The following DOCK5 variants were observed in gnomAD, a reference collection of about 807,000 sequenced individuals.
DOCK5 encodes the protein dedicator of cytokinesis 5.
DOCK5 carries 142 observed loss-of-function variants against 251.8 expected under a neutral mutation model. The observed-to-expected ratio is 0.56, with a 90% CI of 0.49 to 0.65. DOCK5 has a LOEUF of 0.65. DOCK5 is among the 30% of genes least tolerant of loss of function. The pLI, the probability that DOCK5 is intolerant of heterozygous loss-of-function variation, is 0.00. For synonymous variants in DOCK5, 842 were observed against 835.5 expected (o/e 1.01, Z -0.13); for missense variants, 2,111 against 2,312.3 (o/e 0.91, Z 1.79).
At position 25,392,829 on chromosome 8, in the gene DOCK5, G is replaced by A; in HGVS notation, c.4474G>A (p.Ala1492Thr). ...GATTGAACGGACCACGTATACGACT[G>A]CATATACCTTTCCTGGGATTCTCAA... ...MWIERTTYTT[A>T]YTFPGILKWF... Residue 1492 changes from alanine to threonine, a missense_variant, in exon 44 of 52, where the codon GCA becomes ACA. By Grantham distance (58) the Ala-to-Thr change is moderately conservative. This residue lies in a region of DOCK5 where 1,717 missense variants were observed against 1,892.4 expected (regional missense o/e 0.91). Transcript: ENST00000276440. The A allele has an allele frequency of 6.2e-7, 1 of 1,613,236 alleles. No homozygotes were observed. Among genetic ancestry groups the A allele is most frequent in the Non-Finnish European group, 8.5e-7 (1 of 1,179,610 alleles).
In DOCK5 at chr8:25,184,832, G is replaced by T. The variant is rs906576128; in HGVS notation, c.-77G>T. 2 of 1,233,152 alleles carry T rather than the reference G, an allele frequency of 1.6e-6. No individual in the cohort carries two copies. The highest frequency in any genetic ancestry group is 1.6e-5 in the African/African-American group (1 of 63,528). The allele number at this position is 1,233,152 out of a possible 1,614,324, so 76.4% of individuals were successfully genotyped here. A position where few individuals can be genotyped will look rare whatever the true frequency, so the allele number is the denominator to read the frequency against. ...GCGGAAGCGTCTGGGGCACGCAGGAGCGCGGGGCGGCGGCGGCCGGAGCCC... is the reference window on the plus strand; with the variant it reads ...GCGGAAGCGTCTGGGGCACGCAGGATCGCGGGGCGGCGGCGGCCGGAGCCC... On this transcript the variant is annotated 5_prime_UTR_variant, in exon 1 of 52. Coordinates refer to ENST00000276440, the MANE Select transcript of DOCK5 (RefSeq NM_024940.8).
intron 27 of DOCK5, among the ~76,000 whole-genome samples, chr8:25,358,242 A>G (rs530703257): frequency 9.4e-4 from 143 of 152,324 alleles, no homozygotes; most frequent in African/African-American, 3.2e-3. Context: ...CAATCATGGC[A>G]GAAGAGGAAG....
At chr8:25,323,825 G>T in intron 16 of DOCK5, 23 bp from the exon 17 acceptor site, 33 of 1,608,246 alleles carry the variant, frequency 2.1e-5, no homozygotes, top group Non-Finnish European at 2.8e-5. Flanking sequence ...GCACTGCTCA[G>T]ACATGTCTTT....
rs531438506 is a variant in DOCK5, at chr8:25,336,186, C to T, written c.2193-53C>T. The stretch of plus-strand genomic sequence containing the variant: ...CCCCTCTTAGATAACTTACCCAAGC[C>T]TCAGAGTATCCTGTTGCTCATTGGC... On this transcript the variant is annotated intron_variant, in intron 21 of 51. Transcript: ENST00000276440. 2.0e-4 allele frequency: 311 copies of T among 1,573,836 alleles called. 1 individual carries two copies. The African/African-American group carries it at 3.5e-3, about 18-fold the overall frequency.
rs143812909 is a variant in DOCK5 at position 25,284,763 on chromosome 8, A to G, written c.321+6098A>G. On this transcript the variant is annotated intron_variant, in intron 5 of 51. Coordinates refer to ENST00000276440, the MANE Select transcript of DOCK5 (RefSeq NM_024940.8). ...ATCTTGTCGATAACAACTCAGTTATACTTTTTGAATATAAACAATTCTACA... is the reference window on the plus strand; with the variant it reads ...ATCTTGTCGATAACAACTCAGTTATGCTTTTTGAATATAAACAATTCTACA... Among the ~76,000 whole-genome samples the G allele has an allele frequency of 2.2e-4, 34 of 152,354 alleles. No homozygotes were observed. The East Asian group carries it at 5.6e-3, about 25-fold the overall frequency.
intron 2 of DOCK5, among the ~76,000 whole-genome samples, chr8:25,267,441 G>A (rs1767501131): frequency 6.6e-6 from 1 of 152,158 alleles, no homozygotes; most frequent in African/African-American, 2.4e-5. Context: ...GATAAGTTCA[G>A]TTTTCTACCC....
At chr8:25,208,786 T>C (rs1802062511) in intron 1 of DOCK5, among the ~76,000 whole-genome samples, 1 of 152,242 alleles carries the variant, frequency 6.6e-6, no homozygotes, top group South Asian at 2.1e-4. Context: ...GGTATGCCTA[T>C]ATAGCAAATT....
At chr8:25,276,643 C>G (rs1005248420) in intron 4 of DOCK5, among the ~76,000 whole-genome samples, 4 of 151,950 alleles carry the variant, frequency 2.6e-5, no homozygotes, top group African/African-American at 9.7e-5. Context: ...AGTTCAGCAC[C>G]ATCATTTCTT....
chr8:25,287,473 T>C (rs567763620), intron 5 of DOCK5, among the ~76,000 whole-genome samples: 1 of 152,228 alleles, frequency 6.6e-6, no homozygotes, highest in Admixed American at 6.5e-5. Flanking sequence ...AAGTGAGGCT[T>C]CAGGTATCTC....
intron 34 of DOCK5, among the ~76,000 whole-genome samples, chr8:25,370,750 C>T (rs1427774294): frequency 6.6e-6 from 1 of 152,072 alleles, no homozygotes; most frequent in Non-Finnish European, 1.5e-5. Flanking sequence ...AAGTGATCCT[C>T]CCACTTCAGC....
chr8:25,263,494 T>G (rs1279791228), intron 2 of DOCK5, among the ~76,000 whole-genome samples: 1 of 151,870 alleles, frequency 6.6e-6, no homozygotes, highest in Non-Finnish European at 1.5e-5. Flanking sequence ...ATAACTCCAT[T>G]CTATAATAGT....
chr8:25,367,276 A>G (rs755269707), intron 31 of DOCK5, among the ~76,000 whole-genome samples: 6 of 152,024 alleles, frequency 3.9e-5, no homozygotes, highest in Non-Finnish European at 7.4e-5. Context: ...GCTTCCCCAA[A>G]TTGCAGGCAT....
intron 1 of DOCK5, among the ~76,000 whole-genome samples, chr8:25,239,297 G>A (rs112501211): frequency 0.01 from 1,535 of 151,184 alleles, 33 homozygotes; most frequent in African/African-American, 0.035. Context: ...TAAGCAAACC[G>A]GTCTTTGGTG....
intron 44 of DOCK5, among the ~76,000 whole-genome samples, chr8:25,394,337 TGAA>T (rs1461386368): frequency 1.3e-5 from 2 of 151,852 alleles, no homozygotes; most frequent in East Asian, 1.9e-4. Flanking sequence ...ATGGGTAAAA[TGAA>T]GAAGGAGATA....
At position 25,319,569 on chromosome 8, in the gene DOCK5, C is replaced by T. The variant is rs1177436092; in HGVS notation, c.1444-9C>T. The stretch of plus-strand genomic sequence containing the variant: ...TTATTCCCTTCTAATTTTTTCCTTC[C>T]ATCTGAAGAAAGCAATTCACCCTGG... On this transcript the variant is annotated splice_polypyrimidine_tract_variant and intron_variant, in intron 14 of 51. Coordinates refer to ENST00000276440, the MANE Select transcript of DOCK5 (RefSeq NM_024940.8). 1 of 1,561,010 alleles carries T rather than the reference C, an allele frequency of 6.4e-7. No individual in the cohort carries two copies. Among genetic ancestry groups the T allele is most frequent in the South Asian group, 1.2e-5 (1 of 84,620 alleles).
At chr8:25,379,826 T>C (rs1353314705) in intron 38 of DOCK5, among the ~76,000 whole-genome samples, 1 of 148,694 alleles carries the variant, frequency 6.7e-6, no homozygotes, top group Non-Finnish European at 1.5e-5. Context: ...TTTTTCCATC[T>C]CCACAAACAA....
intron 13 of DOCK5, among the ~76,000 whole-genome samples, chr8:25,315,520 G>A (rs1805221594): frequency 6.6e-6 from 1 of 152,192 alleles, no homozygotes; most frequent in Non-Finnish European, 1.5e-5. Context: ...CAGAGTAGGA[G>A]CTCAAGCACT....
chr8:25,398,053 T>G (rs1801377537), intron 45 of DOCK5, among the ~76,000 whole-genome samples: 1 of 152,174 alleles, frequency 6.6e-6, no homozygotes, highest in Non-Finnish European at 1.5e-5. Flanking sequence ...ATCCAGCTCT[T>G]TATTCATCGC....
At chr8:25,387,189 T>C (rs1344602002) in intron 40 of DOCK5, among the ~76,000 whole-genome samples, 4 of 22,668 alleles carry the variant, frequency 1.8e-4, no homozygotes, top group Non-Finnish European at 3.4e-4. Flanking sequence ...CCAGTGACTT[T>C]TTTTTTTTTT....
Sources: gnomAD v4.1 joint callset for allele counts (sites outside exome capture counted in the v4.1 genomes callset) on GRCh38, gnomAD v4.1.1 for gene constraint, gnomAD v4.1.1 regional missense constraint, MANE v1.5 for transcripts, NCBI Gene and HGNC (gene_info 2026-07-23, HGNC 2026-07-21) for gene names.